The following AGBL4 variants were observed in gnomAD, a reference collection of about 807,000 sequenced individuals.
AGBL4 encodes cytosolic carboxypeptidase 6.
AGBL4 carries 58 observed loss-of-function variants against 66.4 expected under a neutral mutation model. That is an observed-to-expected ratio of 0.87 (90% CI 0.71 to 1.09). The LOEUF is 1.09. AGBL4 is among the 50% of genes least tolerant of loss of function. AGBL4 has a pLI of 0.00. For missense variants in AGBL4, 579 were observed against 631.0 expected (o/e 0.92, Z 0.88); for synonymous variants, 234 against 222.9 (o/e 1.05, Z -0.44).
chr1:49,815,049 A>G (rs1410334090), intron 2 of AGBL4, among the ~76,000 whole-genome samples: 5 of 152,112 alleles, frequency 3.3e-5, no homozygotes, highest in African/African-American at 7.2e-5. Flanking sequence ...TAGTTATTTT[A>G]AAATGTACAA....
intron 4 of AGBL4, among the ~76,000 whole-genome samples, chr1:49,241,677 T>C (rs535624786): frequency 4.6e-5 from 7 of 151,966 alleles, no homozygotes. Flanking sequence ...AACTACTCAG[T>C]AAGCATTTAT....
intron 3 of AGBL4, among the ~76,000 whole-genome samples, chr1:49,300,235 C>T (rs1000167409): frequency 1.3e-5 from 2 of 152,118 alleles, no homozygotes; most frequent in Admixed American, 1.3e-4. Flanking sequence ...AGTAAAAGTA[C>T]AAGAGCAGAG....
At chr1:49,468,836 A>G (rs1286693723) in intron 3 of AGBL4, among the ~76,000 whole-genome samples, 1 of 151,876 alleles carries the variant, frequency 6.6e-6, no homozygotes, top group African/African-American at 2.4e-5. Flanking sequence ...TTGTATGTGT[A>G]TATAAAAATG....
intron 2 of AGBL4, among the ~76,000 whole-genome samples, chr1:49,771,295 A>G (rs1215452976): frequency 6.6e-6 from 1 of 152,104 alleles, no homozygotes; most frequent in Non-Finnish European, 1.5e-5. Flanking sequence ...ATTTCCATGT[A>G]TTTGAAAGGT....
At chr1:49,945,546 A>G (rs149569896) in intron 1 of AGBL4, among the ~76,000 whole-genome samples, 1 of 152,250 alleles carries the variant, frequency 6.6e-6, no homozygotes, top group Non-Finnish European at 1.5e-5. Flanking sequence ...AGCCAGCACT[A>G]CAAGAACTGC....
At chr1:49,802,771 G>A (rs1416609781) in intron 2 of AGBL4, among the ~76,000 whole-genome samples, 1 of 152,126 alleles carries the variant, frequency 6.6e-6, no homozygotes, top group Non-Finnish European at 1.5e-5. Context: ...TCTTGTGTGT[G>A]TCTATTATTT....
At chr1:48,974,490 A>T (rs1393628160) in intron 5 of AGBL4, among the ~76,000 whole-genome samples, 1 of 152,142 alleles carries the variant, frequency 6.6e-6, no homozygotes, top group Non-Finnish European at 1.5e-5. Context: ...CCTGAGGAGG[A>T]GATATGAACA....
At chr1:48,878,620 T>C (rs753283322) in intron 5 of AGBL4, among the ~76,000 whole-genome samples, 4 of 152,290 alleles carry the variant, frequency 2.6e-5, no homozygotes, top group Non-Finnish European at 5.9e-5. Flanking sequence ...TATATTACAG[T>C]GATCTGTCTG....
At chr1:49,975,009 TTC>T (rs1393308254) in intron 1 of AGBL4, among the ~76,000 whole-genome samples, 31 of 152,166 alleles carry the variant, frequency 2.0e-4, no homozygotes, top group Non-Finnish European at 4.3e-4. Flanking sequence ...TATTCCATAT[TTC>T]AGAGATTCCA....
intron 3 of AGBL4, among the ~76,000 whole-genome samples, chr1:49,652,524 G>A (rs367886315): frequency 6.6e-6 from 1 of 152,120 alleles, no homozygotes; most frequent in African/African-American, 2.4e-5. Flanking sequence ...TTTTTGCATT[G>A]TCTGGTTCTG....
chr1:49,521,102 C>A (rs554744352), intron 3 of AGBL4, among the ~76,000 whole-genome samples: 23 of 152,138 alleles, frequency 1.5e-4, no homozygotes, highest in Admixed American at 1.3e-3. Flanking sequence ...AGCCACTATG[C>A]CTCACCCATT....
intron 1 of AGBL4, among the ~76,000 whole-genome samples, chr1:49,902,147 G>A (rs1571837065): frequency 1.3e-5 from 2 of 152,100 alleles, no homozygotes; most frequent in East Asian, 3.9e-4. Context: ...TCATGACAAA[G>A]ATGCCAAAAG....
Position 48,917,970 on chromosome 1 carries a change from G to A in AGBL4, c.595-50740C>T, listed in dbSNP as rs573521016. Among the ~76,000 whole-genome samples the A allele has an allele frequency of 1.1e-4, 17 of 152,310 alleles. No homozygotes were observed. In the South Asian group the frequency reaches 2.5e-3, roughly 22 times the overall value. ...CTGCTTTGCACTCCAGTGACCTTGAGGTTGAAAGGGACAAAGGAGCAGACT... is the reference window on the plus strand; with the variant it reads ...CTGCTTTGCACTCCAGTGACCTTGAAGTTGAAAGGGACAAAGGAGCAGACT... On this transcript the variant is annotated intron_variant, in intron 5 of 13. Transcript: ENST00000371839.
intron 3 of AGBL4, among the ~76,000 whole-genome samples, chr1:49,556,907 TG>T (rs1029176729): frequency 2.0e-5 from 3 of 152,016 alleles, no homozygotes; most frequent in Non-Finnish European, 4.4e-5. Context: ...CCTGCAGTGC[TG>T]GGGGACCCGG....
At chr1:49,448,937 AT>A (rs953462058) in intron 3 of AGBL4, among the ~76,000 whole-genome samples, 2 of 152,120 alleles carry the variant, frequency 1.3e-5, no homozygotes, top group African/African-American at 4.8e-5. Context: ...AGACTGAAGT[AT>A]GTTAATTAAT....
At chr1:49,321,058 T>C (rs755448534) in intron 3 of AGBL4, among the ~76,000 whole-genome samples, 1 of 152,096 alleles carries the variant, frequency 6.6e-6, no homozygotes, top group African/African-American at 2.4e-5. Flanking sequence ...GGGGATTCAA[T>C]TGAAGATGAA....
At chr1:48,837,743 C>G (rs910876011) in intron 6 of AGBL4, among the ~76,000 whole-genome samples, 1 of 56,184 alleles carries the variant, frequency 1.8e-5, no homozygotes, top group Non-Finnish European at 3.9e-5. Flanking sequence ...ATATATATAT[C>G]CTGTTAGTTC....
At chr1:49,116,917 C>T (rs1645536337) in intron 4 of AGBL4, among the ~76,000 whole-genome samples, 1 of 152,202 alleles carries the variant, frequency 6.6e-6, no homozygotes, top group South Asian at 2.1e-4. Context: ...GACATTCTAA[C>T]TGGCGTAAGA....
chr1:49,302,749 A>C (rs1644777489), intron 3 of AGBL4, among the ~76,000 whole-genome samples: 1 of 151,208 alleles, frequency 6.6e-6, no homozygotes, highest in African/African-American at 2.4e-5. Context: ...GGTTTGTTGC[A>C]TGTAACAACC....
Sources: allele counts gnomAD v4.1 joint callset (sites outside exome capture counted in the v4.1 genomes callset), GRCh38; gene constraint gnomAD v4.1.1; transcripts MANE v1.5; gene names NCBI Gene and HGNC (gene_info 2026-07-23, HGNC 2026-07-21).